The following MAML3 variants were observed in gnomAD, a reference collection of about 807,000 sequenced individuals.
MAML3 encodes mastermind-like protein 3.
A neutral mutation model predicts 101.9 loss-of-function variants in MAML3; 27 were observed. The observed-to-expected ratio is 0.27, with a 90% CI of 0.20 to 0.37. The LOEUF (loss-of-function observed/expected upper bound fraction) is 0.37, where lower values mean the gene tolerates loss of function less well. Ranked by LOEUF, MAML3 falls within the 10% of genes least tolerant of loss-of-function variation. MAML3 has a pLI of 1.00. For missense variants in MAML3, 1,316 were observed against 1,444.9 expected, an observed-to-expected ratio of 0.91 and a Z score of 1.45; for synonymous variants, 501 against 555.9, an observed-to-expected ratio of 0.90 and a Z score of 1.39.
At chr4:139,736,354 A>G (rs1044365369) in intron 2 of MAML3, among the ~76,000 whole-genome samples, 1 of 152,176 alleles carries the variant, frequency 6.6e-6, no homozygotes, top group Admixed American at 6.5e-5. Context: ...TAACATGACA[A>G]TTGCTTGGCC....
At position 139,730,493 on chromosome 4, in the gene MAML3, C is replaced by G. The variant is rs769916242; in HGVS notation, c.2254G>C (p.Glu752Gln). 1.3e-5 allele frequency: 20 copies of G among 1,554,004 alleles called. No homozygotes were observed. Among genetic ancestry groups the G allele is most frequent in the Non-Finnish European group, 1.7e-5 (20 of 1,148,458 alleles). Residue 752 changes from glutamate to glutamine, a missense_variant, in exon 3 of 5, where the codon GAG (glutamate) becomes CAG (glutamine). By Grantham distance (29) the Glu-to-Gln change is conservative (BLOSUM62 2). Transcript: ENST00000509479. The stretch of plus-strand genomic sequence containing the variant: ...CGCAGGAACTGTTGCTTCTGCTGCT[C>G]TATCAACTGGGCCCGCTGATCAATG... ...MLIDQRAQLI[E>Q]QQKQQFLREQ... is the part of the protein sequence containing the mutation.
At chr4:139,989,929 C>T (rs1225008246) in intron 1 of MAML3, among the ~76,000 whole-genome samples, 4 of 151,484 alleles carry the variant, frequency 2.6e-5, no homozygotes, top group Admixed American at 6.6e-5. Context: ...TCACTTCCAT[C>T]ACTTCCAGAA....
intron 2 of MAML3, chr4:139,794,494 C>T (rs985437009): frequency 7.9e-5 from 12 of 152,336 alleles, no homozygotes; most frequent in African/African-American, 2.9e-4. Context: ...CTGATCCTGC[C>T]TCTATATCAA....
intron 1 of MAML3, among the ~76,000 whole-genome samples, chr4:140,020,527 C>A (rs1222140498): frequency 6.6e-6 from 1 of 151,752 alleles, no homozygotes; most frequent in African/African-American, 2.4e-5. Flanking sequence ...TGATATTGAG[C>A]AAAAGTGTAT....
chr4:140,102,234 T>C (rs1383885326), intron 1 of MAML3, among the ~76,000 whole-genome samples: 2 of 152,260 alleles, frequency 1.3e-5, no homozygotes, highest in African/African-American at 4.8e-5. Flanking sequence ...AACTCTCTAT[T>C]GTAGAAACGA....
chr4:139,983,027 T>G (rs1430795672), intron 1 of MAML3, among the ~76,000 whole-genome samples: 1 of 152,242 alleles, frequency 6.6e-6, no homozygotes, highest in African/African-American at 2.4e-5. Flanking sequence ...ATTCCTTCAG[T>G]GAGGTAATTT....
At chr4:139,911,756 C>A (rs1732929801) in intron 1 of MAML3, among the ~76,000 whole-genome samples, 1 of 152,172 alleles carries the variant, frequency 6.6e-6, no homozygotes, top group Non-Finnish European at 1.5e-5. Context: ...CATGTGAAGA[C>A]ATCGGAAGAA....
intron 1 of MAML3, among the ~76,000 whole-genome samples, chr4:140,052,932 G>C (rs1472008036): frequency 2.0e-5 from 3 of 152,078 alleles, no homozygotes; most frequent in African/African-American, 7.2e-5. Context: ...TGAGTAAGTG[G>C]TGATAAATTT....
At chr4:139,746,724 TCTC>T (rs1729335820) in intron 2 of MAML3, among the ~76,000 whole-genome samples, 1 of 152,126 alleles carries the variant, frequency 6.6e-6, no homozygotes, top group African/African-American at 2.4e-5. Context: ...CCTCCCCCCT[TCTC>T]CTCCTCTCTC....
intron 1 of MAML3, among the ~76,000 whole-genome samples, chr4:139,984,209 G>A (rs777383781): frequency 8.5e-5 from 13 of 152,202 alleles, no homozygotes; most frequent in South Asian, 2.1e-4. Flanking sequence ...ACAGTGTGGC[G>A]TTGAGAATAG....
At chr4:139,729,566 C>G (rs1466963046) in intron 3 of MAML3, among the ~76,000 whole-genome samples, 1 of 152,192 alleles carries the variant, frequency 6.6e-6, no homozygotes, top group Non-Finnish European at 1.5e-5. Flanking sequence ...AACCTCACAC[C>G]TCCTATAAGA....
chr4:139,978,852 A>G (rs544664112), intron 1 of MAML3, among the ~76,000 whole-genome samples: 1 of 152,278 alleles, frequency 6.6e-6, no homozygotes, highest in South Asian at 2.1e-4. Flanking sequence ...TATAGCAGGA[A>G]ACGGATTTGC....
intron 1 of MAML3, among the ~76,000 whole-genome samples, chr4:140,071,788 A>AGAGAGAG (rs1560884538): frequency 2.1e-4 from 31 of 149,648 alleles, no homozygotes; most frequent in South Asian, 4.2e-4. Flanking sequence ...AGAGAGAGAG[A>AGAGAGAG]AGGCACGCAT....
chr4:140,058,023 G>T (rs1036303328), intron 1 of MAML3, among the ~76,000 whole-genome samples: 1 of 150,314 alleles, frequency 6.7e-6, no homozygotes, highest in Admixed American at 6.7e-5. Flanking sequence ...AAAGACCTCT[G>T]ATTAAACGTA....
intron 1 of MAML3, among the ~76,000 whole-genome samples, chr4:140,009,229 G>A (rs1487007941): frequency 7.2e-5 from 11 of 152,212 alleles, no homozygotes; most frequent in Non-Finnish European, 1.6e-4. Context: ...TACTAAATGG[G>A]AATTGCCAGG....
At chr4:139,772,294 TG>T (rs1412118670) in intron 2 of MAML3, among the ~76,000 whole-genome samples, 4 of 144,346 alleles carry the variant, frequency 2.8e-5, no homozygotes, top group Admixed American at 6.9e-5. Flanking sequence ...CTTCTTCAGG[TG>T]TAGCTCTTGC....
intron 2 of MAML3, among the ~76,000 whole-genome samples, chr4:139,799,893 T>C (rs1244308650): frequency 6.6e-6 from 1 of 151,952 alleles, no homozygotes; most frequent in Non-Finnish European, 1.5e-5. Flanking sequence ...CAGAAGCAAA[T>C]GCACTTTAGT....
rs111648659 is a variant in MAML3 at position 139,842,134 on chromosome 4, C to T, written c.2079+47223G>A. 1.4e-3 allele frequency among the ~76,000 whole-genome samples: 214 copies of T among 152,304 alleles called. 1 individual carries two copies. Among genetic ancestry groups the T allele is most frequent in the African/African-American group, 4.9e-3 (203 of 41,564 alleles). On this transcript the variant is annotated intron_variant, in intron 2 of 4. Coordinates refer to ENST00000509479, the MANE Select transcript of MAML3 (RefSeq NM_018717.5). ...GCATCCCCTGGGAAGACTAGGGCTT[C>T]CAGCCTCTGCAGGGGTGATGCTTTC...
At chr4:139,783,646 C>T (rs1177146489) in intron 2 of MAML3, among the ~76,000 whole-genome samples, 1 of 152,210 alleles carries the variant, frequency 6.6e-6, no homozygotes, top group Non-Finnish European at 1.5e-5. Flanking sequence ...CTGGTTCAGA[C>T]TGTCTCTCGG....
Sources: allele counts gnomAD v4.1 joint callset (sites outside exome capture counted in the v4.1 genomes callset), GRCh38; gene constraint gnomAD v4.1.1; transcripts MANE v1.5; gene names NCBI Gene and HGNC (gene_info 2026-07-23, HGNC 2026-07-21).